MALRD1: variants seen among roughly 807,000 people sequenced by gnomAD.
The protein encoded by MALRD1 is MAM and LDL-receptor class A domain-containing protein 1.
MALRD1 carries 247 observed loss-of-function variants against 242.1 expected under a neutral mutation model. That is an observed-to-expected ratio of 1.02 (90% CI 0.92 to 1.13). MALRD1 has a LOEUF of 1.13. Ranked by LOEUF, MALRD1 falls within the 50% of genes most tolerant of loss-of-function variation. The pLI is 0.00. For synonymous variants in MALRD1, 995 were observed against 866.6 expected (o/e 1.15, Z -2.60); for missense variants, 2,989 against 2,533.1 (o/e 1.18, Z -3.86).
chr10:19,539,852 T>TTTTGTGTGTGTGTGTGTGTGTGTGTG (rs1554795755), intron 32 of MALRD1, among the ~76,000 whole-genome samples: 1 of 64,372 alleles, frequency 1.6e-5, no homozygotes, highest in Admixed American at 2.1e-4. Flanking sequence ...ACACCCAGCT[T>TTTTGTGTGTGTGTGTGTGTGTGTGTG]TGTGCGTGTG....
chr10:19,319,421 A>G (rs73593868), intron 21 of MALRD1, among the ~76,000 whole-genome samples: 6,708 of 152,232 alleles, frequency 0.044, 257 homozygotes, highest in African/African-American at 0.1. Context: ...CACACTTTTC[A>G]TAAATCAGAT....
At chr10:19,425,839 T>C (rs1833885039) in intron 28 of MALRD1, among the ~76,000 whole-genome samples, 2 of 152,180 alleles carry the variant, frequency 1.3e-5, no homozygotes, top group South Asian at 4.1e-4. Context: ...TGATTATTTG[T>C]CCTTAGAGTC....
intron 19 of MALRD1, among the ~76,000 whole-genome samples, chr10:19,268,690 G>C (rs1028526854): frequency 2.0e-5 from 3 of 152,152 alleles, no homozygotes; most frequent in African/African-American, 2.4e-5. Flanking sequence ...ATTTATCAAG[G>C]ACTAGAGATG....
chr10:19,178,883 T>C (rs1170588609), intron 14 of MALRD1, among the ~76,000 whole-genome samples: 3 of 152,202 alleles, frequency 2.0e-5, no homozygotes, highest in African/African-American at 4.8e-5. Context: ...ACATATTTAC[T>C]CTCTGAACGT....
chr10:19,586,443 C>T (rs1312361485), intron 33 of MALRD1, among the ~76,000 whole-genome samples: 3 of 152,118 alleles, frequency 2.0e-5, no homozygotes, highest in South Asian at 2.1e-4. Flanking sequence ...TTCCTTCTAA[C>T]GGACAGGACC....
At chr10:19,137,139 T>C (rs1366816078) in intron 10 of MALRD1, among the ~76,000 whole-genome samples, 1 of 152,140 alleles carries the variant, frequency 6.6e-6, no homozygotes, top group African/African-American at 2.4e-5. Context: ...TTGCTAACTT[T>C]TATTGTGTAT....
intron 32 of MALRD1, among the ~76,000 whole-genome samples, chr10:19,555,126 AATTT>A (rs1835660312): frequency 6.6e-6 from 1 of 151,908 alleles, no homozygotes; most frequent in Non-Finnish European, 1.5e-5. Context: ...TTTTGATTTG[AATTT>A]CTTTAATGAT....
At chr10:19,316,071 T>A in intron 21 of MALRD1, among the ~76,000 whole-genome samples, 1 of 151,054 alleles carries the variant, frequency 6.6e-6, no homozygotes, top group East Asian at 2.0e-4. Context: ...AACTCCTTAG[T>A]AAATTTACGT....
At chr10:19,594,949 A>G (rs902344433) in intron 33 of MALRD1, among the ~76,000 whole-genome samples, 22 of 152,230 alleles carry the variant, frequency 1.4e-4, no homozygotes, top group Non-Finnish European at 2.6e-4. Flanking sequence ...TTATTAATAT[A>G]ACCAAAAACC....
intron 26 of MALRD1, among the ~76,000 whole-genome samples, chr10:19,369,893 T>C (rs1466149135): frequency 6.6e-6 from 1 of 152,050 alleles, no homozygotes; most frequent in Non-Finnish European, 1.5e-5. Context: ...CTTCTGATGA[T>C]TGGAAATGTT....
intron 23 of MALRD1, among the ~76,000 whole-genome samples, chr10:19,328,604 C>T (rs1442583947): frequency 6.6e-6 from 1 of 152,066 alleles, no homozygotes; most frequent in Non-Finnish European, 1.5e-5. Context: ...TAGATCAGCT[C>T]CTCTCAACTC....
intron 34 of MALRD1, among the ~76,000 whole-genome samples, chr10:19,595,900 T>C (rs1244478807): frequency 6.6e-6 from 1 of 152,162 alleles, no homozygotes; most frequent in Non-Finnish European, 1.5e-5. Flanking sequence ...TAGTTAAGGA[T>C]TGGATCTGGA....
chr10:19,375,146 A>G (rs570101741), intron 26 of MALRD1, among the ~76,000 whole-genome samples: 1 of 152,308 alleles, frequency 6.6e-6, no homozygotes, highest in East Asian at 1.9e-4. Flanking sequence ...ACCAATAACC[A>G]GGTCAGTAGA....
chr10:19,481,035 T>C (rs1160688785), intron 29 of MALRD1, among the ~76,000 whole-genome samples: 1 of 152,310 alleles, frequency 6.6e-6, no homozygotes, highest in East Asian at 1.9e-4. Context: ...TATATATATA[T>C]ACTTTTCTTT....
intron 24 of MALRD1, among the ~76,000 whole-genome samples, chr10:19,339,515 C>A (rs1005351110): frequency 5.3e-5 from 8 of 152,122 alleles, no homozygotes; most frequent in African/African-American, 1.9e-4. Context: ...TAACATAAAT[C>A]TCAAAATTTT....
intron 26 of MALRD1, among the ~76,000 whole-genome samples, chr10:19,362,387 C>CA (rs1844931261): frequency 6.6e-6 from 1 of 152,140 alleles, no homozygotes; most frequent in African/African-American, 2.4e-5. Context: ...AACATACCCT[C>CA]ACTCCCTCCA....
chr10:19,485,100 A>T (rs190379319), intron 29 of MALRD1, among the ~76,000 whole-genome samples: 1 of 152,322 alleles, frequency 6.6e-6, no homozygotes, highest in African/African-American at 2.4e-5. Context: ...GCATGTTCTC[A>T]CTTAAAAGTT....
intron 31 of MALRD1, among the ~76,000 whole-genome samples, chr10:19,510,850 G>A (rs760209062): frequency 7.3e-4 from 111 of 152,302 alleles, no homozygotes; most frequent in Non-Finnish European, 1.4e-3. Context: ...GAATCTACTT[G>A]TTTTAACCAA....
chr10:19,048,278 A>T (rs1834389087), upstream of MALRD1, among the ~76,000 whole-genome samples: 1 of 152,208 alleles, frequency 6.6e-6, no homozygotes, highest in Admixed American at 6.5e-5. Flanking sequence ...ATAAAATAAT[A>T]ACATCCAATG....
Sources: gnomAD v4.1 joint callset for allele counts (sites outside exome capture counted in the v4.1 genomes callset) on GRCh38, gnomAD v4.1.1 for gene constraint, MANE v1.5 for transcripts, NCBI Gene and HGNC (gene_info 2026-07-23, HGNC 2026-07-21) for gene names.